The following NOP56 variants were observed in gnomAD, a reference collection of about 807,000 sequenced individuals.
NOP56 encodes nucleolar protein 56.
In NOP56, 31 loss-of-function variants were observed where a neutral mutation model predicts 58.3. The observed-to-expected ratio is 0.53, with a 90% CI of 0.40 to 0.72. The LOEUF is 0.72. Among genes scored for constraint, NOP56 ranks in the 30% least tolerant of loss-of-function variants. The pLI is 0.00. For synonymous variants in NOP56, 313 were observed against 282.8 expected (o/e 1.11, Z -1.07); for missense variants, 669 against 739.9 (o/e 0.90, Z 1.11).
At position 2,655,721 on chromosome 20, in the gene NOP56, G is replaced by C. The variant is rs2086808073; in HGVS notation, c.884G>C (p.Ser295Thr). Residue 295 changes from serine to threonine, a missense_variant, in exon 7 of 12, where the codon AGC becomes ACC. Coordinates refer to ENST00000329276, the MANE Select transcript of NOP56 (RefSeq NM_006392.4). Reference sequence around the variant, plus strand: ...TCCAAGATGAGCCAAGTAGCCCCCAGCCTGTCAGCCCTAATTGGGGAAGCG... The same window carrying C: ...TCCAAGATGAGCCAAGTAGCCCCCACCCTGTCAGCCCTAATTGGGGAAGCG... ...LRSKMSQVAP[S>T]LSALIGEAVG... 1 of 1,614,044 alleles carries C rather than the reference G, an allele frequency of 6.2e-7. No homozygotes were observed. The highest frequency in any genetic ancestry group is 8.5e-7 in the Non-Finnish European group (1 of 1,180,036).
intron 11 of NOP56, 102 bp downstream of exon 11, chr20:2,657,320 T>C: frequency 1.3e-6 from 2 of 1,525,094 alleles, no homozygotes; most frequent in East Asian, 2.3e-5. Context: ...AGTCCAGGCT[T>C]TTGGACTGAA....
Position 2,652,645 on chromosome 20 carries a change from C to T in NOP56, c.-16C>T, listed in dbSNP as rs773290128. On this transcript the variant is annotated 5_prime_UTR_variant, in exon 1 of 12. Transcript: ENST00000329276. ...CGCGCTAGCCGCATTGCGAGCCGAA[C>T]CCGGGAGCTGGCGCCATGGTGAGGA... The T allele has an allele frequency of 5.6e-6, 8 of 1,419,082 alleles. No individual in the cohort carries two copies. The Admixed American group carries it at 1.7e-4, about 30-fold the overall frequency. 87.9% of individuals were successfully genotyped at this position (1,419,082 alleles called of 1,614,324 possible).
At position 2,654,830 on chromosome 20, in the gene NOP56, G is replaced by C. The variant is rs1360494485; in HGVS notation, c.452G>C (p.Ser151Thr). The C allele has an allele frequency of 5.0e-6, 8 of 1,614,108 alleles. No individual in the cohort carries two copies. Among genetic ancestry groups the C allele is most frequent in the Non-Finnish European group, 6.8e-6 (8 of 1,180,056 alleles). Residue 151 changes from serine (S) to threonine (T), a missense_variant, in exon 5 of 12, where the codon AGC becomes ACC. Transcript: ENST00000329276. ...ACKAQLGLGH[S>T]YSRAKVKFNV... ...AAAGCACAGCTGGGGCTGGGACACA[G>C]CTATTCCCGTGCCAAAGTTAAGTTT...
At chr20:2,655,287 A>C (rs2086802563) in intron 5 of NOP56, 38 bp from the exon 6 acceptor site, 2 of 1,612,696 alleles carry the variant, frequency 1.2e-6, no homozygotes, top group South Asian at 2.2e-5. Context: ...GTTTTTGATG[A>C]AGCAGCTGGG....
chr20:2,656,960 G>C, intron 10 of NOP56, 65 bp downstream of exon 10: 1 of 1,613,832 alleles, frequency 6.2e-7, no homozygotes, highest in Non-Finnish European at 8.5e-7. Flanking sequence ...AACTGTCTGA[G>C]CCTGACCTTG....
At chr20:2,653,952 C>T (rs1159433356) in intron 3 of NOP56, 1 of 337,060 alleles carries the variant, frequency 3.0e-6, no homozygotes, top group Non-Finnish European at 5.9e-6. Context: ...GGTGCCCGGC[C>T]GACAAAGGGG....
chr20:2,653,022 G>T, intron 2 of NOP56, 91 bp downstream of exon 2: 1 of 1,223,172 alleles, frequency 8.2e-7, no homozygotes, highest in East Asian at 2.6e-5. Flanking sequence ...GTGGCCGGCC[G>T]AGCGGTTCGG....
chr20:2,653,965 T>A, intron 3 of NOP56: 1 of 277,488 alleles, frequency 3.6e-6, no homozygotes, highest in Non-Finnish European at 7.4e-6. Context: ...CAAAGGGGGG[T>A]TTCTTAAAGG....
chr20:2,654,627 A>G, intron 4 of NOP56, 52 bp downstream of exon 4: 1 of 1,608,410 alleles, frequency 6.2e-7, no homozygotes, highest in South Asian at 1.1e-5. Context: ...TTGGGGGAGG[A>G]GGTTCTGGAA....
chr20:2,656,301 C>T lies in NOP56; in HGVS notation c.1011-100C>T, dbSNP rs183321401. 4.4e-5 allele frequency: 70 copies of T among 1,601,260 alleles called. No individual in the cohort carries two copies. The Admixed American group carries it at 1.0e-3, about 24-fold the overall frequency. On this transcript the variant is annotated intron_variant, in intron 8 of 11. Coordinates refer to ENST00000329276, the MANE Select transcript of NOP56 (RefSeq NM_006392.4). ...TAGAGATCCAATCTGGCCTGAGGCTCACTCAGGACTTCGGGGTGAGAGGAG... is the reference window on the plus strand; with the variant it reads ...TAGAGATCCAATCTGGCCTGAGGCTTACTCAGGACTTCGGGGTGAGAGGAG...
At chr20:2,653,214 T>G in intron 2 of NOP56, 65 bp from the exon 3 acceptor site, 1 of 1,317,552 alleles carries the variant, frequency 7.6e-7, no homozygotes, top group Non-Finnish European at 1.1e-6. Flanking sequence ...TGAGAACCGC[T>G]GCTTGACTGC....
intron 10 of NOP56, 91 bp from the exon 11 acceptor site, chr20:2,656,990 C>CT (rs1461025935): frequency 1.2e-5 from 19 of 1,613,632 alleles, no homozygotes; most frequent in Non-Finnish European, 1.5e-5. Flanking sequence ...GGCAAAAAAA[C>CT]TGATTTAATG....
intron 4 of NOP56, 22 bp from the exon 5 acceptor site, chr20:2,654,727 C>G: frequency 1.2e-6 from 2 of 1,612,798 alleles, no homozygotes; most frequent in Non-Finnish European, 1.7e-6. Context: ...CCTTGTTGCT[C>G]ACCGTCTTGC....
In NOP56 at chr20:2,658,280, T is replaced by C. The variant is rs368420807; in HGVS notation, c.1771T>C (p.Ser591Pro). The C allele has an allele frequency of 2.5e-6, 4 of 1,595,550 alleles. No individual in the cohort carries two copies. Among genetic ancestry groups the C allele is most frequent in the East Asian group, 2.2e-5 (1 of 44,528 alleles). The change falls in exon 12 of 12, where the codon TCC (serine) becomes CCC (proline). Residue 591 changes from serine (S) to proline (P), a missense_variant. Physicochemically the swap from Ser to Pro is moderately conservative, Grantham distance 74. Around this residue, in one of 3 missense-constraint regions of NOP56, gnomAD observed 209 missense variants for 196.2 expected, o/e 1.07. Transcript: ENST00000329276. ...SKKKKKFHKA[S>P]QED ...GAAGAAGAAAAAGTTCCATAAAGCA[T>C]CCCAGGAAGATTAGAATGCAAATGG...
chr20:2,654,601 T>C, intron 4 of NOP56, 26 bp downstream of exon 4: 2 of 1,612,594 alleles, frequency 1.2e-6, no homozygotes, highest in Non-Finnish European at 1.7e-6. Flanking sequence ...GTTATATTCC[T>C]GTTATCCTGG....
chr20:2,654,256 C>G (rs1416244403), intron 3 of NOP56, 158 bp from the exon 4 acceptor site: 3 of 819,522 alleles, frequency 3.7e-6, no homozygotes, highest in African/African-American at 3.3e-5. Context: ...CCCCTGAGTG[C>G]AATCACTGAT....
chr20:2,652,736 C>CCTGGGT (rs770320322), intron 1 of NOP56, 73 bp downstream of exon 1: 4 of 1,476,126 alleles, frequency 2.7e-6, no homozygotes, highest in African/African-American at 1.5e-5. Context: ...GCAGACAGGG[C>CCTGGGT]CTGGGCCTGG....
rs535603018 is a variant in NOP56 at position 2,658,209 on chromosome 20, C to T, written c.1700C>T (p.Pro567Leu). Residue 567 changes from proline to leucine, a missense_variant, in exon 12 of 12, where the codon CCG becomes CTG. Around this residue, in one of 3 missense-constraint regions of NOP56, gnomAD observed 209 missense variants for 196.2 expected, o/e 1.07. Coordinates refer to ENST00000329276, the MANE Select transcript of NOP56 (RefSeq NM_006392.4). ...AAGAGGAAATTCTCCAAAGAGGAGC[C>T]GGTCAGCAGTGGGCCTGAAGAGGCG... ...KKKRKFSKEEPVSSGPEEAVG... is the reference protein window; with the variant it reads ...KKKRKFSKEELVSSGPEEAVG... The T allele has an allele frequency of 6.5e-5, 105 of 1,605,622 alleles. No individual in the cohort carries two copies. Among genetic ancestry groups the T allele is most frequent in the South Asian group, 1.9e-4 (17 of 90,060 alleles).
chr20:2,654,147 T>A (rs1821836447), intron 3 of NOP56: 2 of 683,844 alleles, frequency 2.9e-6, no homozygotes, highest in Non-Finnish European at 5.5e-6. Flanking sequence ...TGTTACAAGC[T>A]ATTATTTATT....
Sources: allele counts gnomAD v4.1 joint callset, GRCh38; gene constraint gnomAD v4.1.1; regional missense constraint gnomAD v4.1.1; transcripts MANE v1.5; gene names NCBI Gene and HGNC (gene_info 2026-07-23, HGNC 2026-07-21).